The following RNF40 variants were observed in gnomAD, a reference collection of about 807,000 sequenced individuals.
RNF40 encodes E3 ubiquitin-protein ligase BRE1B.
RNF40 carries 39 observed loss-of-function variants against 123.3 expected under a neutral mutation model. The ratio of observed to expected loss-of-function variants is 0.32; its 90% confidence interval spans 0.24 to 0.41. RNF40 has a LOEUF of 0.41. Ranked by LOEUF, RNF40 falls within the 10% of genes least tolerant of loss-of-function variation. The probability of loss-of-function intolerance (pLI) is 1.00; values close to 1 mark genes in which losing one functional copy is unlikely to be tolerated. For missense variants in RNF40, 1,003 were observed against 1,319.9 expected (o/e 0.76, Z 3.72); for synonymous variants, 538 against 526.0 (o/e 1.02, Z -0.31).
At chr16:30,772,237 A>G (rs765946386) in intron 19 of RNF40, 47 bp downstream of exon 19, 3 of 1,443,668 alleles carry the variant, frequency 2.1e-6, no homozygotes, top group Middle Eastern at 1.7e-4. Context: ...AGAATTGTAG[A>G]TGCAGGATTG....
rs778916863 is a variant in RNF40, at chr16:30,774,929, AG to A, written c.*817del. On this transcript the variant is annotated 3_prime_UTR_variant, in exon 20 of 20. Transcript: ENST00000324685. ...AACTACAGTGGAGGTGGAACTTCCC[AG>A]GAGGGGAAGGGACAGACCAGCCCCA... 10 of 456,326 alleles carry A rather than the reference AG, an allele frequency of 2.2e-5. No individual in the cohort carries two copies. The East Asian group carries it at 6.9e-4, about 32-fold the overall frequency. 28.3% of individuals were successfully genotyped at this position (456,326 alleles called of 1,614,324 possible).
In RNF40 at chr16:30,774,167, C is replaced by A; in HGVS notation, c.*53C>A. 1 of 1,538,162 alleles carries A rather than the reference C, an allele frequency of 6.5e-7. No homozygotes were observed. The highest frequency in any genetic ancestry group is 2.0e-5 in the Admixed American group (1 of 50,824). The stretch of plus-strand genomic sequence containing the variant: ...CCATGGACCCTGGGGGCTGTGCCCC[C>A]ATCTCCTCCCCACCCCAGGTCTAGT... On this transcript the variant is annotated 3_prime_UTR_variant, in exon 20 of 20. Transcript: ENST00000324685.
rs2053983874 is a variant in RNF40 at position 30,764,210 on chromosome 16, C to T, written c.474C>T (p.Leu158=). ...TGCTGATGCAGCTGCGGCCCCCTCT[C>T]AGTGAGCCGGCCTTGGCTTTTGTGG... ...DPLLMQLRPP[L]SEPALAFVVA... The change falls in exon 5 of 20, where the codon CTC becomes CTT. Residue 158 remains leucine (L), a synonymous_variant. Coordinates refer to ENST00000324685, the MANE Select transcript of RNF40 (RefSeq NM_014771.4). 1.2e-6 allele frequency: 2 copies of T among 1,611,274 alleles called. No homozygotes were observed. The highest frequency in any genetic ancestry group is 2.2e-5 in the East Asian group (1 of 44,790).
In RNF40 at chr16:30,774,151, C is replaced by T. The variant is rs1596766617; in HGVS notation, c.*37C>T. On this transcript the variant is annotated 3_prime_UTR_variant, in exon 20 of 20. Transcript: ENST00000324685. Reference sequence around the variant, plus strand: ...AGGGGACTCTGGAACACCATGGACCCTGGGGGCTGTGCCCCCATCTCCTCC... The same window carrying T: ...AGGGGACTCTGGAACACCATGGACCTTGGGGGCTGTGCCCCCATCTCCTCC... 10 of 1,574,250 alleles carry T rather than the reference C, an allele frequency of 6.4e-6. No homozygotes were observed. The Middle Eastern group carries it at 6.8e-4, about 107-fold the overall frequency.
Position 30,763,175 on chromosome 16 carries a change from G to A in RNF40, c.190G>A (p.Glu64Lys). The change falls in exon 3 of 20, where the codon GAA becomes AAA. Residue 64 changes from glutamate (E) to lysine (K), a missense_variant. Coordinates refer to ENST00000324685, the MANE Select transcript of RNF40 (RefSeq NM_014771.4). ...FKNKKLAERL[E>K]QRQACEDELR... is the part of the protein sequence containing the mutation. ...GAACAAGAAACTGGCAGAGCGGCTG[G>A]AACAACGGCAGGCTTGTGAAGATGA... 6.2e-7 allele frequency: 1 copy of A among 1,613,968 alleles called. No homozygotes were observed. Among genetic ancestry groups the A allele is most frequent in the Non-Finnish European group, 8.5e-7 (1 of 1,180,028 alleles).
intron 8 of RNF40, among the ~76,000 whole-genome samples, chr16:30,765,835 C>T (rs1306735665): frequency 3.9e-5 from 6 of 152,160 alleles, no homozygotes; most frequent in African/African-American, 1.4e-4. Flanking sequence ...AAAGATAAAG[C>T]ACAGAAGAGA....
In RNF40 at chr16:30,762,354, C is replaced by T. The variant is rs185778178; in HGVS notation, c.-78C>T. ...AAGATGGCGGCGCTAGGCTGACCCT[C>T]CTGCTGGTGAGGGCTCTGGCGCCGG... On this transcript the variant is annotated 5_prime_UTR_variant, in exon 1 of 20. Coordinates refer to ENST00000324685, the MANE Select transcript of RNF40 (RefSeq NM_014771.4). 15 of 571,252 alleles carry T rather than the reference C, an allele frequency of 2.6e-5. No homozygotes were observed. The highest frequency in any genetic ancestry group is 2.4e-4 in the African/African-American group (12 of 50,676). The allele number at this position is 571,252 out of a possible 1,614,324, so 35.4% of individuals were successfully genotyped here. A position where few individuals can be genotyped will look rare whatever the true frequency, so the allele number is the denominator to read the frequency against.
rs781345428 is a variant in RNF40 at position 30,765,336 on chromosome 16, G to A, written c.918+9G>A. On this transcript the variant is annotated intron_variant, in intron 7 of 19. Coordinates refer to ENST00000324685, the MANE Select transcript of RNF40 (RefSeq NM_014771.4). Reference sequence around the variant, plus strand: ...CAGAGGCCTTAGAGCAGGTGGGGCAGGGGTGCTGGGGCAGGTGAGGCAAGG... The same window carrying A: ...CAGAGGCCTTAGAGCAGGTGGGGCAAGGGTGCTGGGGCAGGTGAGGCAAGG... 3 of 1,614,086 alleles carry A rather than the reference G, an allele frequency of 1.9e-6. No homozygotes were observed. The South Asian group carries it at 3.3e-5, about 18-fold the overall frequency.
rs748906009 is a variant in RNF40 at position 30,766,288 on chromosome 16, C to G, written c.1113+6C>G. The G allele has an allele frequency of 5.0e-6, 8 of 1,613,920 alleles. No individual in the cohort carries two copies. In the East Asian group the frequency reaches 1.1e-4, roughly 22 times the overall value. ...GGACCAATGAGCGCCTCAAGGTGGG[C>G]TGCTGTAGGGGCTGAGAGGTCCTGG... On this transcript the variant is annotated splice_donor_region_variant and intron_variant, in intron 9 of 19. Transcript: ENST00000324685. The surrounding 1 kb of genome is among the most constrained non-coding windows in gnomAD (Gnocchi z 5.4).
chr16:30,769,193 A>G lies in RNF40; in HGVS notation c.2255A>G (p.Glu752Gly). 6.2e-7 allele frequency: 1 copy of G among 1,614,108 alleles called. No individual in the cohort carries two copies. The highest frequency in any genetic ancestry group is 8.5e-7 in the Non-Finnish European group (1 of 1,180,000). Residue 752 changes from glutamate (E) to glycine (G), a missense_variant, in exon 16 of 20, where the codon GAG becomes GGG. Glu to Gly is a moderately conservative substitution (Grantham distance 98). This residue lies in a region of RNF40 where 295 missense variants were observed against 331.7 expected (regional missense o/e 0.89). Transcript: ENST00000324685. The part of the protein sequence containing the change: ...RKLGATKQEE[E>G]ALLSEMDVTG... ...TCTGCCCACTTGCTGCAGGAGGAGG[A>G]GGCTCTGCTCTCAGAGATGGATGTG...
At chr16:30,764,813 C>T (rs1468963006) in intron 5 of RNF40, 125 bp from the exon 6 acceptor site, 2 of 1,375,216 alleles carry the variant, frequency 1.5e-6, no homozygotes, top group Non-Finnish European at 2.0e-6. Context: ...AGACTCCTGG[C>T]TTTGTCATGA....
Position 30,775,179 on chromosome 16 carries a change from C to G in RNF40, c.*1065C>G. ...AATTGTGATGAATAAACGTTCAACC[C>G]TCGGCCTGCAGCCAGAGTAGCCAGG... is the stretch of plus-strand genomic sequence containing the variant. On this transcript the variant is annotated 3_prime_UTR_variant, in exon 20 of 20. Coordinates refer to ENST00000324685, the MANE Select transcript of RNF40 (RefSeq NM_014771.4). 2.8e-6 allele frequency: 1 copy of G among 356,938 alleles called. No homozygotes were observed. Among genetic ancestry groups the G allele is most frequent in the South Asian group, 2.1e-5 (1 of 48,370 alleles). 22.1% of individuals were successfully genotyped at this position (356,938 alleles called of 1,614,324 possible). A position where few individuals can be genotyped will look rare whatever the true frequency, so the allele number is the denominator to read the frequency against.
chr16:30,765,969 C>T (rs2054023272), intron 8 of RNF40, among the ~76,000 whole-genome samples, 194 bp from the exon 9 acceptor site: 1 of 152,190 alleles, frequency 6.6e-6, no homozygotes, highest in Non-Finnish European at 1.5e-5. Context: ...AGCCTTAGTT[C>T]CCAGCACCGA....
At position 30,766,960 on chromosome 16, in the gene RNF40, A is replaced by T. The variant is rs183571214; in HGVS notation, c.1429+84A>T. On this transcript the variant is annotated intron_variant, in intron 11 of 19. Transcript: ENST00000324685. This position sits in a 1 kb window ranked among gnomAD's most constrained non-coding sequence, Gnocchi z 5.4. ...TGGGGCTGCTGCTTATCCAGATGCA[A>T]GAGGCTAAGGCCTTTTTTTTCACAG... 2.1e-5 allele frequency: 32 copies of T among 1,524,282 alleles called. No homozygotes were observed. In the Admixed American group the frequency reaches 5.8e-4, roughly 28 times the overall value. The allele number at this position is 1,524,282 out of a possible 1,614,324, so 94.4% of individuals were successfully genotyped here. A position where few individuals can be genotyped will look rare whatever the true frequency, so the allele number is the denominator to read the frequency against.
chr16:30,769,020 G>T (rs374708232), intron 15 of RNF40, 33 bp downstream of exon 15: 16 of 1,612,976 alleles, frequency 9.9e-6, no homozygotes, highest in South Asian at 7.7e-5. Flanking sequence ...GCGTCGGAGC[G>T]CAGGGAGTTC....
In RNF40 at chr16:30,766,831, C is replaced by T; in HGVS notation, c.1384C>T (p.Leu462=). Reference sequence around the variant, plus strand: ...CCAGGTACGCAAGGAGTATGAGATGCTGCGCATCGAGTTTGAGCAGAATCT... The same window carrying T: ...CCAGGTACGCAAGGAGTATGAGATGTTGCGCATCGAGTTTGAGCAGAATCT... ...LAQVRKEYEM[L]RIEFEQNLAA... The change falls in exon 11 of 20, where the codon CTG becomes TTG. Residue 462 remains leucine, a synonymous_variant. Transcript: ENST00000324685. This position sits in a 1 kb window ranked among gnomAD's most constrained non-coding sequence, Gnocchi z 5.4. 6.2e-7 allele frequency: 1 copy of T among 1,613,962 alleles called. No homozygotes were observed. The highest frequency in any genetic ancestry group is 8.5e-7 in the Non-Finnish European group (1 of 1,179,996).
Position 30,768,369 on chromosome 16 carries a change from T to C in RNF40, c.1818T>C (p.Pro606=). ...GCCCTTCCTCCCGGGGCCGAGAACC[T>C]GAGGCCAGGCCCAAGCGGGAGCTTC... The part of the protein sequence containing the change: ...AQGPSSRGRE[P]EARPKRELRE... Residue 606 remains proline (P), a synonymous_variant, in exon 13 of 20, where the codon CCT becomes CCC. Coordinates refer to ENST00000324685, the MANE Select transcript of RNF40 (RefSeq NM_014771.4). This position sits in a 1 kb window ranked among gnomAD's most constrained non-coding sequence, Gnocchi z 4.1. 2 of 1,613,430 alleles carry C rather than the reference T, an allele frequency of 1.2e-6. No individual in the cohort carries two copies. The highest frequency in any genetic ancestry group is 1.7e-6 in the Non-Finnish European group (2 of 1,179,766).
exon 1 of RNF40, chr16:30,762,314 CGTCCGGTGAA>C: frequency 2.0e-6 from 1 of 501,772 alleles, no homozygotes; most frequent in Non-Finnish European, 3.5e-6. Context: ...CGCCCAGTGA[CGTCCGGTGAA>C]ATCCAAGATG....
chr16:30,762,951 C>T (rs577222643), intron 2 of RNF40, among the ~76,000 whole-genome samples, 167 bp from the exon 3 acceptor site: 6 of 152,350 alleles, frequency 3.9e-5, no homozygotes, highest in East Asian at 1.9e-4. Context: ...ACAACAAAGA[C>T]ACTTTCGCTG....
Sources: allele counts gnomAD v4.1 joint callset (sites outside exome capture counted in the v4.1 genomes callset), GRCh38; gene constraint gnomAD v4.1.1; regional missense constraint gnomAD v4.1.1; non-coding constraint Gnocchi (gnomAD v3.1); transcripts MANE v1.5; gene names NCBI Gene and HGNC (gene_info 2026-07-23, HGNC 2026-07-21).